The following JAKMIP2 variants were observed in gnomAD, a reference collection of about 807,000 sequenced individuals.
JAKMIP2 encodes janus kinase and microtubule interacting protein 2, also known as janus kinase and microtubule-interacting protein 2.
JAKMIP2 carries 25 observed loss-of-function variants against 115.0 expected under a neutral mutation model. That is an observed-to-expected ratio of 0.22 (90% CI 0.16 to 0.30). The LOEUF (loss-of-function observed/expected upper bound fraction) is 0.30. Among genes scored for constraint, JAKMIP2 ranks in the 10% least tolerant of loss-of-function variants. The pLI is 1.00. For synonymous variants in JAKMIP2, 334 were observed against 343.6 expected (o/e 0.97, Z 0.31); for missense variants, 642 against 957.6 (o/e 0.67, Z 4.35).
intron 20 of JAKMIP2, among the ~76,000 whole-genome samples, chr5:147,609,503 C>G (rs886146520): frequency 6.6e-6 from 1 of 152,144 alleles, no homozygotes; most frequent in Non-Finnish European, 1.5e-5. Flanking sequence ...AATATTGGCC[C>G]CTACTCTCTT....
At chr5:147,658,964 T>A (rs1017023744) in intron 3 of JAKMIP2, among the ~76,000 whole-genome samples, 1 of 152,104 alleles carries the variant, frequency 6.6e-6, no homozygotes, top group African/African-American at 2.4e-5. Flanking sequence ...TCTTGCTGGG[T>A]TCCATGGGAG....
intron 1 of JAKMIP2, among the ~76,000 whole-genome samples, chr5:147,726,185 T>G (rs1750053836): frequency 6.6e-6 from 1 of 152,210 alleles, no homozygotes; most frequent in Non-Finnish European, 1.5e-5. Context: ...CCACCCCACT[T>G]TGAGTGGATC....
intron 1 of JAKMIP2, among the ~76,000 whole-genome samples, chr5:147,738,664 T>A (rs879674790): frequency 2.0e-5 from 3 of 152,072 alleles, no homozygotes; most frequent in Admixed American, 2.0e-4. Flanking sequence ...AGTTTCACAA[T>A]CAATTTATAA....
chr5:147,685,387 T>TAA, intron 1 of JAKMIP2, among the ~76,000 whole-genome samples: 1 of 152,190 alleles, frequency 6.6e-6, no homozygotes, highest in African/African-American at 2.4e-5. Flanking sequence ...TTCAGGGGGC[T>TAA]TAGTATAAGC....
At chr5:147,764,565 G>C (rs1391285498) in intron 1 of JAKMIP2, among the ~76,000 whole-genome samples, 2 of 151,898 alleles carry the variant, frequency 1.3e-5, no homozygotes, top group Non-Finnish European at 2.9e-5. Context: ...GATTTAAAAA[G>C]CTTTTCAAGT....
chr5:147,671,438 G>A (rs773616361), intron 2 of JAKMIP2, among the ~76,000 whole-genome samples: 8 of 152,190 alleles, frequency 5.3e-5, no homozygotes, highest in African/African-American at 1.4e-4. Context: ...TTCCTGAACC[G>A]GGCTTCCAGA....
chr5:147,637,705 G>A (rs1486522126), intron 10 of JAKMIP2, among the ~76,000 whole-genome samples: 2 of 151,988 alleles, frequency 1.3e-5, no homozygotes, highest in Admixed American at 6.6e-5. Context: ...CTCCCAAAGT[G>A]CACCCGGCCT....
At chr5:147,628,369 GGTA>G (rs1405923343) in intron 16 of JAKMIP2, among the ~76,000 whole-genome samples, 1 of 152,094 alleles carries the variant, frequency 6.6e-6, no homozygotes, top group Non-Finnish European at 1.5e-5. Flanking sequence ...TGGGAGCAAT[GGTA>G]GGTACACACC....
At position 147,639,718 on chromosome 5, in the gene JAKMIP2, T is replaced by C; in HGVS notation, c.1444A>G (p.Thr482Ala). The change falls in exon 10 of 22, where the codon ACA (threonine) becomes GCA (alanine). Residue 482 changes from threonine (T) to alanine (A), a missense_variant. Thr to Ala is a moderately conservative substitution (Grantham distance 58, BLOSUM62 0). Transcript: ENST00000616793. ...CTTTGGAGGGCCTGATATTCTTTTG[T>C]TAATTGTCGAAATCTTAGTTCAGAT... is the stretch of plus-strand genomic sequence containing the variant. ...EESELRFRQL[T>A]KEYQALQRAY... The C allele has an allele frequency of 6.2e-7, 1 of 1,613,998 alleles. No homozygotes were observed. Among genetic ancestry groups the C allele is most frequent in the Non-Finnish European group, 8.5e-7 (1 of 1,179,914 alleles).
At position 147,660,772 on chromosome 5, in the gene JAKMIP2, C is replaced by A. The variant is rs1342131256; in HGVS notation, c.627+176G>T. 3 of 676,512 alleles carry A rather than the reference C, an allele frequency of 4.4e-6. No individual in the cohort carries two copies. In the African/African-American group the frequency reaches 5.4e-5, roughly 12 times the overall value. 41.9% of individuals were successfully genotyped at this position (676,512 alleles called of 1,614,324 possible). On this transcript the variant is annotated intron_variant, in intron 3 of 21. Coordinates refer to ENST00000616793, the MANE Select transcript of JAKMIP2 (RefSeq NM_001270941.2). The stretch of plus-strand genomic sequence containing the variant: ...AATTTCAATTTTGGCCTGAGCATAT[C>A]TCTCGATTGATCTACCTACCTACAT...
chr5:147,613,748 T>C (rs1294774222), intron 19 of JAKMIP2, among the ~76,000 whole-genome samples: 8 of 152,188 alleles, frequency 5.3e-5, no homozygotes, highest in Non-Finnish European at 8.8e-5. Flanking sequence ...TAAAGAATTA[T>C]CTGCTTCAAA....
intron 1 of JAKMIP2, among the ~76,000 whole-genome samples, chr5:147,755,772 GCC>G (rs1754723061): frequency 6.6e-6 from 1 of 152,034 alleles, no homozygotes; most frequent in African/African-American, 2.4e-5. Flanking sequence ...TCCCACCTCA[GCC>G]ACCGGCATAG....
rs1754949596 is a variant in JAKMIP2, at chr5:147,588,108, T to C, written c.*3599A>G. 6.6e-6 allele frequency: 1 copy of C among 152,164 alleles called. No individual in the cohort carries two copies. The allele number at this position is 152,164 out of a possible 1,614,324, so 9.4% of individuals were successfully genotyped here. ...GTGGCATTAAAGAAAAGTTTGACAT[T>C]CAATTTAGTAATAGATGCTTTTTAA... is the stretch of plus-strand genomic sequence containing the variant. On this transcript the variant is annotated 3_prime_UTR_variant, in exon 22 of 22. Coordinates refer to ENST00000616793, the MANE Select transcript of JAKMIP2 (RefSeq NM_001270941.2).
chr5:147,718,456 A>G (rs1460215433), intron 1 of JAKMIP2, among the ~76,000 whole-genome samples: 6 of 152,210 alleles, frequency 3.9e-5, no homozygotes, highest in Admixed American at 1.3e-4. Flanking sequence ...GGTAGAATTC[A>G]GCTGTGAATC....
At position 147,588,753 on chromosome 5, in the gene JAKMIP2, C is replaced by G. The variant is rs1754983420; in HGVS notation, c.*2954G>C. 6.6e-6 allele frequency: 1 copy of G among 152,162 alleles called. No individual in the cohort carries two copies. Among genetic ancestry groups the G allele is most frequent in the Non-Finnish European group, 1.5e-5 (1 of 68,038 alleles). 9.4% of individuals were successfully genotyped at this position (152,162 alleles called of 1,614,324 possible). ...ACACATCTAAAGCTGCTTGGACAAT[C>G]ATCCTAGCTGTTGTTCTCATATGAC... On this transcript the variant is annotated 3_prime_UTR_variant, in exon 22 of 22. Coordinates refer to ENST00000616793, the MANE Select transcript of JAKMIP2 (RefSeq NM_001270941.2).
chr5:147,613,555 G>A (rs1756432259), intron 19 of JAKMIP2, among the ~76,000 whole-genome samples: 1 of 152,126 alleles, frequency 6.6e-6, no homozygotes, highest in African/African-American at 2.4e-5. Context: ...TTTAAGTTGT[G>A]TAATTCAGTG....
At chr5:147,660,836 G>A (rs1052371267) in intron 3 of JAKMIP2, 112 bp downstream of exon 3, 35 of 1,206,668 alleles carry the variant, frequency 2.9e-5, no homozygotes, top group Non-Finnish European at 4.0e-5. Flanking sequence ...CAAAAGGTAG[G>A]CACTGTTTAC....
chr5:147,774,011 T>C lies in JAKMIP2; in HGVS notation c.-149+8445A>G, dbSNP rs369489256. Reference sequence around the variant, plus strand: ...TAAGCATCTGGCTCAAAATACTCTGTATTCTAAATTTTATAGATGATTTTA... The same window carrying C: ...TAAGCATCTGGCTCAAAATACTCTGCATTCTAAATTTTATAGATGATTTTA... On this transcript the variant is annotated intron_variant, in intron 1 of 21. Coordinates refer to ENST00000616793, the MANE Select transcript of JAKMIP2 (RefSeq NM_001270941.2). Among the ~76,000 whole-genome samples, 3 of 152,308 alleles carry C rather than the reference T, an allele frequency of 2.0e-5. No homozygotes were observed. The East Asian group carries it at 5.8e-4, about 29-fold the overall frequency.
chr5:147,750,934 T>A (rs573986808), intron 1 of JAKMIP2, among the ~76,000 whole-genome samples: 1 of 152,092 alleles, frequency 6.6e-6, no homozygotes, highest in Non-Finnish European at 1.5e-5. Context: ...GAGAAAAAAA[T>A]TCTGCTATTT....
Sources: gnomAD v4.1 joint callset for allele counts (sites outside exome capture counted in the v4.1 genomes callset) on GRCh38, gnomAD v4.1.1 for gene constraint, MANE v1.5 for transcripts, NCBI Gene and HGNC (gene_info 2026-07-23, HGNC 2026-07-21) for gene names.